The following KDM6A variants were observed in gnomAD, a reference collection of about 807,000 sequenced individuals.
The protein encoded by KDM6A is lysine-specific demethylase 6A.
KDM6A carries 11 observed loss-of-function variants against 117.6 expected under a neutral mutation model. The ratio of observed to expected loss-of-function variants is 0.09; its 90% CI spans 0.06 to 0.15. The LOEUF (loss-of-function observed/expected upper bound fraction) is 0.15. Among genes scored for constraint, KDM6A ranks in the 10% least tolerant of loss-of-function variants. KDM6A has a pLI of 1.00. For synonymous variants in KDM6A, 384 were observed against 396.1 expected (o/e 0.97, Z 0.36); for missense variants, 799 against 1,077.3 (o/e 0.74, Z 3.62).
At chrX:45,025,146 A>G (rs1043215183) in intron 6 of KDM6A, among the ~76,000 whole-genome samples, 1 of 111,401 alleles carries the variant, frequency 9.0e-6, no homozygotes, top group African/African-American at 3.3e-5. Flanking sequence ...TGCCTAGTTA[A>G]TGCCATACAG....
At chrX:45,015,633 G>A (rs1014050448) in intron 5 of KDM6A, among the ~76,000 whole-genome samples, 2 of 111,816 alleles carry the variant, frequency 1.8e-5, no homozygotes, top group African/African-American at 6.5e-5. Context: ...GGCTTGTCTA[G>A]CATGGAGCCT....
chrX:45,104,616 C>T (rs747194757), intron 27 of KDM6A, among the ~76,000 whole-genome samples: 1 of 111,220 alleles, frequency 9.0e-6, no homozygotes, highest in South Asian at 3.8e-4. Flanking sequence ...AGGACTTGCT[C>T]ATTACTGTGG....
rs1367555264 is a variant in KDM6A at position 44,889,485 on chromosome X, C to T, written c.225+15498C>T. On this transcript the variant is annotated intron_variant, in intron 2 of 29. Coordinates refer to ENST00000611820, the MANE Select transcript of KDM6A (RefSeq NM_001291415.2). ...CTTAAAAAAAATTTTTTTTTAAAAT[C>T]GGCTTTTCAAAGATGACAAATGGAT... Among the ~76,000 whole-genome samples the T allele has an allele frequency of 6.3e-5, 7 of 111,956 alleles. No individual in the cohort carries two copies. The East Asian group carries it at 8.4e-4, about 13-fold the overall frequency.
At chrX:45,057,590 T>TA (rs1402953363) in intron 10 of KDM6A, among the ~76,000 whole-genome samples, 1 of 111,454 alleles carries the variant, frequency 9.0e-6, no homozygotes, top group African/African-American at 3.3e-5. Flanking sequence ...AATATTCCTA[T>TA]AAAGTGCTTT....
intron 3 of KDM6A, 58 bp from the exon 4 acceptor site, chrX:44,974,608 G>A (rs2039530639): frequency 2.6e-6 from 2 of 771,483 alleles, no homozygotes; most frequent in African/African-American, 2.1e-5. Context: ...TGTTTGTTAA[G>A]TGTATTATTG....
At chrX:45,068,183 C>A (rs1047492758) in intron 17 of KDM6A, among the ~76,000 whole-genome samples, 2 of 111,442 alleles carry the variant, frequency 1.8e-5, no homozygotes, top group African/African-American at 6.5e-5. Flanking sequence ...CTGAAGTAAT[C>A]TCAACTCCAA....
intron 4 of KDM6A, among the ~76,000 whole-genome samples, chrX:44,996,362 A>G (rs1050744999): frequency 3.1e-4 from 34 of 109,974 alleles, no homozygotes; most frequent in African/African-American, 1.1e-3. Context: ...GGTGTGAGCC[A>G]CTGTGCTTGG....
At chrX:45,099,883 A>G (rs1161598651) in intron 27 of KDM6A, among the ~76,000 whole-genome samples, 1 of 111,023 alleles carries the variant, frequency 9.0e-6, no homozygotes, top group Non-Finnish European at 1.9e-5. Flanking sequence ...AACTACAAAA[A>G]ATTAGCTGGG....
At chrX:44,888,133 C>T (rs1243450981) in intron 2 of KDM6A, among the ~76,000 whole-genome samples, 1 of 111,262 alleles carries the variant, frequency 9.0e-6, no homozygotes, top group Non-Finnish European at 1.9e-5. Context: ...GGTGAAACCT[C>T]GTCTCTACTA....
At chrX:45,080,816 G>A (rs1218482914) in intron 21 of KDM6A, among the ~76,000 whole-genome samples, 2 of 112,416 alleles carry the variant, frequency 1.8e-5, no homozygotes, top group African/African-American at 6.5e-5. Flanking sequence ...AGAATAAATA[G>A]TAAGAAGGAG....
chrX:44,970,064 A>G (rs1433682758), intron 3 of KDM6A, among the ~76,000 whole-genome samples: 1 of 112,402 alleles, frequency 8.9e-6, no homozygotes, highest in Admixed American at 9.4e-5. Context: ...GGGTACTTGC[A>G]TACTGCACCT....
intron 2 of KDM6A, among the ~76,000 whole-genome samples, chrX:44,931,015 A>C (rs1383934646): frequency 8.9e-6 from 1 of 112,004 alleles, no homozygotes; most frequent in African/African-American, 3.2e-5. Context: ...GATCTTATCC[A>C]ACAACCCCAC....
intron 2 of KDM6A, among the ~76,000 whole-genome samples, chrX:44,924,552 T>A (rs2036181596): frequency 9.0e-6 from 1 of 111,506 alleles, no homozygotes; most frequent in African/African-American, 3.3e-5. Context: ...GCCACTTGTA[T>A]TACAAGTTTT....
At chrX:45,082,543 A>G (rs1406179631) in intron 21 of KDM6A, 33 bp from the exon 22 acceptor site, 3 of 1,021,131 alleles carry the variant, frequency 2.9e-6, no homozygotes, top group Non-Finnish European at 1.4e-6. Context: ...GTTGTAGAAC[A>G]CTAAACTAGA....
chrX:44,903,565 T>C (rs1174237687), intron 2 of KDM6A, among the ~76,000 whole-genome samples: 2 of 111,410 alleles, frequency 1.8e-5, no homozygotes, highest in African/African-American at 6.5e-5. Flanking sequence ...CAATTTTGCA[T>C]GTTTTGGTAA....
At chrX:45,040,655 G>T (rs1311639497) in intron 8 of KDM6A, among the ~76,000 whole-genome samples, 2 of 84,804 alleles carry the variant, frequency 2.4e-5, no homozygotes, top group Admixed American at 1.2e-4. Context: ...CGGACGGGGC[G>T]GCTGGCCGGG....
intron 21 of KDM6A, among the ~76,000 whole-genome samples, chrX:45,080,798 G>C (rs2045361586): frequency 8.9e-6 from 1 of 112,238 alleles, no homozygotes; most frequent in South Asian, 3.6e-4. Context: ...TAATATTATA[G>C]TCAGAAGAGA....
At chrX:45,108,121 A>G (rs757188547) in intron 28 of KDM6A, among the ~76,000 whole-genome samples, 53 of 111,874 alleles carry the variant, frequency 4.7e-4, no homozygotes, top group South Asian at 1.9e-3. Context: ...TTCTTCTAGT[A>G]TTGGCATAAG....
At chrX:45,040,240 G>A (rs1240026731) in intron 8 of KDM6A, among the ~76,000 whole-genome samples, 1 of 95,460 alleles carries the variant, frequency 1.0e-5, no homozygotes, top group African/African-American at 3.9e-5. Context: ...CTCACCTCCT[G>A]GATAGGGCGG....
Sources: gnomAD v4.1 joint callset for allele counts (sites outside exome capture counted in the v4.1 genomes callset) on GRCh38, gnomAD v4.1.1 for gene constraint, MANE v1.5 for transcripts, NCBI Gene and HGNC (gene_info 2026-07-23, HGNC 2026-07-21) for gene names.